The following OSBPL2 variants were observed in gnomAD, a reference collection of about 807,000 sequenced individuals.
OSBPL2 encodes oxysterol-binding protein-related protein 2.
A neutral mutation model predicts 58.4 loss-of-function variants in OSBPL2; 18 were observed. The ratio of observed to expected loss-of-function variants is 0.31; its 90% CI spans 0.21 to 0.46. OSBPL2 has a LOEUF of 0.46. OSBPL2 is among the 20% of genes least tolerant of loss of function. The pLI, the probability that OSBPL2 is intolerant of heterozygous loss-of-function variation, is 1.00. For missense variants in OSBPL2, 461 were observed against 616.5 expected (o/e 0.75, Z 2.67); for synonymous variants, 221 against 234.1 (o/e 0.94, Z 0.51).
intron 11 of OSBPL2, 61 bp from the exon 12 acceptor site, chr20:62,289,146 G>T: frequency 6.3e-7 from 1 of 1,585,586 alleles, no homozygotes; most frequent in East Asian, 2.3e-5. Flanking sequence ...TGGGGGTCTT[G>T]GAGCATAGTC....
At chr20:62,284,487 C>T (rs1982990737) in intron 10 of OSBPL2, 1 of 335,012 alleles carries the variant, frequency 3.0e-6, no homozygotes, top group African/African-American at 2.1e-5. Flanking sequence ...AGCAATCCTC[C>T]CTCCTTAGCC....
At chr20:62,285,575 T>C (rs940051248) in intron 10 of OSBPL2, 1 of 152,272 alleles carries the variant, frequency 6.6e-6, no homozygotes, top group Non-Finnish European at 1.5e-5. Flanking sequence ...GAGCCACTTC[T>C]TGATGGGGGC....
At chr20:62,282,555 C>T (rs147840082) in intron 9 of OSBPL2, among the ~76,000 whole-genome samples, 1 of 152,288 alleles carries the variant, frequency 6.6e-6, no homozygotes, top group Non-Finnish European at 1.5e-5. Flanking sequence ...CAGTCAGGGC[C>T]AGGTGCAGTG....
At chr20:62,273,747 A>G (rs1982218709) in intron 6 of OSBPL2, among the ~76,000 whole-genome samples, 1 of 152,194 alleles carries the variant, frequency 6.6e-6, no homozygotes, top group South Asian at 2.1e-4. Flanking sequence ...CGAAAATGGA[A>G]ATAGGTACTA....
At chr20:62,249,183 G>A (rs1359664907) in intron 1 of OSBPL2, among the ~76,000 whole-genome samples, 1 of 152,148 alleles carries the variant, frequency 6.6e-6, no homozygotes, top group Non-Finnish European at 1.5e-5. Flanking sequence ...GGGCCTGCAG[G>A]GATGGCGTCC....
intron 10 of OSBPL2, chr20:62,285,911 T>G (rs1198450859): frequency 6.5e-6 from 1 of 153,906 alleles, no homozygotes; most frequent in African/African-American, 2.4e-5. Flanking sequence ...GCCTGGCCGC[T>G]GACCTTCTGT....
intron 1 of OSBPL2, chr20:62,255,004 A>G (rs1462324282): frequency 6.6e-6 from 1 of 152,122 alleles, no homozygotes; most frequent in African/African-American, 2.4e-5. Flanking sequence ...GAATGTTTGC[A>G]ATGATTTTCA....
intron 7 of OSBPL2, chr20:62,280,244 C>A: frequency 1.6e-6 from 1 of 640,496 alleles, no homozygotes; most frequent in Non-Finnish European, 2.3e-6. Context: ...GGTTTTGCTT[C>A]ACATTGGCCC....
intron 13 of OSBPL2, 149 bp from the exon 14 acceptor site, chr20:62,293,636 C>T: frequency 1.7e-6 from 1 of 599,740 alleles, no homozygotes; most frequent in Non-Finnish European, 2.8e-6. Flanking sequence ...CAATAATTCT[C>T]CGTTGAAGTT....
chr20:62,271,723 AT>A, intron 4 of OSBPL2: 1 of 186,882 alleles, frequency 5.4e-6, no homozygotes, highest in Non-Finnish European at 1.1e-5. Flanking sequence ...GGGTGCTTGG[AT>A]TTTAGGTGTG....
At chr20:62,253,849 G>A (rs940494886) in intron 1 of OSBPL2, among the ~76,000 whole-genome samples, 9 of 151,856 alleles carry the variant, frequency 5.9e-5, no homozygotes, top group Admixed American at 5.2e-4. Flanking sequence ...TGGAGTGCAG[G>A]GGCGTGATCT....
Position 62,256,190 on chromosome 20 carries a change from C to G in OSBPL2, c.6C>G (p.Asn2Lys). The change falls in exon 2 of 14, where the codon AAC becomes AAG. Residue 2 changes from asparagine to lysine, a missense_variant. By Grantham distance (94) the Asn-to-Lys change is moderately conservative (BLOSUM62 0). Transcript: ENST00000313733. M[N>K]GEEEFFDAVT... ...TGGAGGCTGGCTGCTGAAGGATGAA[C>G]GGAGAGGAAGAATTCTTTGATGCCG... 6.2e-7 allele frequency: 1 copy of G among 1,613,716 alleles called. No individual in the cohort carries two copies. The highest frequency in any genetic ancestry group is 8.5e-7 in the Non-Finnish European group (1 of 1,179,836).
chr20:62,278,759 G>T (rs1982581985), intron 6 of OSBPL2: 1 of 198,250 alleles, frequency 5.0e-6, no homozygotes, highest in Admixed American at 6.3e-5. Context: ...CCAACGTTAG[G>T]CCGAGTGCGA....
chr20:62,248,160 T>C (rs1174097331), intron 1 of OSBPL2, among the ~76,000 whole-genome samples: 10 of 60,452 alleles, frequency 1.7e-4, no homozygotes, highest in Non-Finnish European at 2.6e-4. Flanking sequence ...CTTTTCTTTT[T>C]TTTTTTTTTT....
chr20:62,278,728 G>A (rs986454146), intron 6 of OSBPL2: 2 of 163,386 alleles, frequency 1.2e-5, no homozygotes, highest in African/African-American at 3.2e-5. Context: ...CAAGTGCGAT[G>A]TCATGTTTGT....
intron 1 of OSBPL2, among the ~76,000 whole-genome samples, chr20:62,249,300 G>A (rs1980367215): frequency 6.6e-6 from 1 of 152,142 alleles, no homozygotes; most frequent in Admixed American, 6.5e-5. Flanking sequence ...CAGGCCCCAG[G>A]GTTTTTCTCT....
At chr20:62,272,033 C>G in intron 4 of OSBPL2, 92 bp from the exon 5 acceptor site, 1 of 1,485,540 alleles carries the variant, frequency 6.7e-7, no homozygotes, top group South Asian at 1.2e-5. Context: ...GAGGCTGCGG[C>G]TCCATGAAGG....
rs747859518 is a variant in OSBPL2, at chr20:62,256,219, C to T, written c.35C>T (p.Thr12Ile). Residue 12 changes from threonine to isoleucine, a missense_variant and splice_region_variant, in exon 2 of 14, where the codon ACA (threonine) becomes ATA (isoleucine). Physicochemically the swap from Thr to Ile is moderately conservative, Grantham distance 89 (BLOSUM62 -1). Transcript: ENST00000313733. ...GAGGAAGAATTCTTTGATGCCGTCACAGGTGAGTCAAAAGAGAACCAACTG... is the reference window on the plus strand; with the variant it reads ...GAGGAAGAATTCTTTGATGCCGTCATAGGTGAGTCAAAAGAGAACCAACTG... ...NGEEEFFDAV[T>I]GFDSDNSSGE... The T allele has an allele frequency of 3.7e-6, 6 of 1,613,646 alleles. No homozygotes were observed. In the Admixed American group the frequency reaches 1.0e-4, roughly 27 times the overall value.
At chr20:62,258,030 G>C (rs1193726222) in intron 2 of OSBPL2, among the ~76,000 whole-genome samples, 1 of 152,116 alleles carries the variant, frequency 6.6e-6, no homozygotes, top group African/African-American at 2.4e-5. Flanking sequence ...TGAGCTTTTT[G>C]AGTCAGTTTG....
Sources: gnomAD v4.1 joint callset for allele counts (sites outside exome capture counted in the v4.1 genomes callset) on GRCh38, gnomAD v4.1.1 for gene constraint, MANE v1.5 for transcripts, NCBI Gene and HGNC (gene_info 2026-07-23, HGNC 2026-07-21) for gene names.